Variants in HMGA2 observed in about 807,000 individuals in gnomAD.
HMGA2 encodes high mobility group AT-hook 2.
In HMGA2, 8 loss-of-function variants were observed where a neutral mutation model predicts 19.1. The observed-to-expected ratio is 0.42, with a 90% CI of 0.25 to 0.76. The LOEUF (loss-of-function observed/expected upper bound fraction) is 0.76, where lower values mean the gene tolerates loss of function less well. HMGA2 is among the 30% of genes least tolerant of loss of function. The pLI is 0.28. For synonymous variants in HMGA2, 60 were observed against 48.8 expected (o/e 1.23, Z -0.96); for missense variants, 109 against 136.3 (o/e 0.80, Z 1.00).
At chr12:65,852,447 G>A (rs1871524365) in intron 3 of HMGA2, among the ~76,000 whole-genome samples, 1 of 152,170 alleles carries the variant, frequency 6.6e-6, no homozygotes, top group Non-Finnish European at 1.5e-5. Flanking sequence ...AGGTTGCAGT[G>A]AGCTGAGATT....
intron 3 of HMGA2, among the ~76,000 whole-genome samples, chr12:65,892,928 A>G (rs1873972880): frequency 6.6e-6 from 1 of 152,150 alleles, no homozygotes; most frequent in South Asian, 2.1e-4. Context: ...GCCTTGATTC[A>G]CAGGGCCCCT....
intron 3 of HMGA2, among the ~76,000 whole-genome samples, chr12:65,883,191 A>G (rs1248481025): frequency 3.3e-5 from 5 of 152,396 alleles, no homozygotes; most frequent in Admixed American, 6.5e-5. Context: ...AGAAGAGGAA[A>G]GGCGATGGAT....
chr12:65,837,337 T>C (rs1460122), intron 2 of HMGA2, among the ~76,000 whole-genome samples: 6,269 of 152,294 alleles, frequency 0.041, 198 homozygotes, highest in Non-Finnish European at 0.062. Flanking sequence ...TCCATCTATC[T>C]GTTTGTCAAC....
intron 3 of HMGA2, among the ~76,000 whole-genome samples, chr12:65,894,084 G>C (rs369492546): frequency 6.6e-6 from 1 of 152,104 alleles, no homozygotes; most frequent in Non-Finnish European, 1.5e-5. Flanking sequence ...CATTTCTTCC[G>C]TTGGCCAACT....
chr12:65,876,610 A>G (rs909824557), intron 3 of HMGA2, among the ~76,000 whole-genome samples: 14 of 152,354 alleles, frequency 9.2e-5, no homozygotes, highest in African/African-American at 2.9e-4. Context: ...TAAAGCACGC[A>G]AAACAATTTC....
intron 3 of HMGA2, among the ~76,000 whole-genome samples, chr12:65,895,137 A>C (rs1353954427): frequency 6.6e-6 from 1 of 152,172 alleles, no homozygotes; most frequent in African/African-American, 2.4e-5. Context: ...CAAGTAAATA[A>C]TATTTTATTA....
At chr12:65,915,604 T>C in intron 3 of HMGA2, 1 of 991,810 alleles carries the variant, frequency 1.0e-6, no homozygotes, top group South Asian at 4.0e-5. Context: ...TTTTCCTGTG[T>C]CTTTTATCCT....
chr12:65,866,555 G>A (rs964455165), intron 3 of HMGA2, among the ~76,000 whole-genome samples: 11 of 152,072 alleles, frequency 7.2e-5, no homozygotes, highest in African/African-American at 1.7e-4. Context: ...GTGACAAGGC[G>A]GAACATCCAA....
chr12:65,936,619 A>C lies in HMGA2; in HGVS notation c.250-14764A>C, dbSNP rs1316755348. Among the ~76,000 whole-genome samples the C allele has an allele frequency of 1.3e-4, 20 of 152,192 alleles. 1 individual carries two copies. Among genetic ancestry groups the C allele is most frequent in the Admixed American group, 1.3e-3 (20 of 15,270 alleles). On this transcript the variant is annotated intron_variant, in intron 3 of 4. Coordinates refer to ENST00000403681, the MANE Select transcript of HMGA2 (RefSeq NM_003483.6). ...TGAGCACTGCAAATCATAAACAATA[A>C]GGATTACATGACCACTGCTGCTACG...
At chr12:65,842,304 G>T (rs1012748696) in intron 3 of HMGA2, 10 of 605,874 alleles carry the variant, frequency 1.7e-5, no homozygotes, top group African/African-American at 1.5e-4. Context: ...TGCATGCAAA[G>T]GGCTTAATAA....
chr12:65,915,245 G>T, intron 3 of HMGA2: 2 of 1,560,656 alleles, frequency 1.3e-6, no homozygotes, highest in Non-Finnish European at 1.7e-6. Flanking sequence ...CCTATCAGGT[G>T]TCTTTTAGAT....
chr12:65,833,790 T>C (rs1870581287), intron 2 of HMGA2, among the ~76,000 whole-genome samples: 1 of 152,208 alleles, frequency 6.6e-6, no homozygotes, highest in Non-Finnish European at 1.5e-5. Context: ...GGCAGGTTGC[T>C]TAATCTCCCA....
intron 3 of HMGA2, among the ~76,000 whole-genome samples, chr12:65,882,852 T>C (rs1873488895): frequency 6.6e-6 from 1 of 152,220 alleles, no homozygotes. Context: ...GGAAATATTT[T>C]TTAAAACAAG....
chr12:65,872,569 T>C (rs1354860929), intron 3 of HMGA2, among the ~76,000 whole-genome samples: 2 of 152,206 alleles, frequency 1.3e-5, no homozygotes, highest in African/African-American at 4.8e-5. Flanking sequence ...TTTTCAACAT[T>C]TGCAAAGTTC....
chr12:65,903,732 T>C (rs570821163), intron 3 of HMGA2, among the ~76,000 whole-genome samples: 7 of 152,246 alleles, frequency 4.6e-5, no homozygotes, highest in Non-Finnish European at 4.4e-5. Flanking sequence ...GTAGTGCTTC[T>C]TCATTCTGAG....
At chr12:65,839,932 T>C (rs935347278) in intron 3 of HMGA2, among the ~76,000 whole-genome samples, 1 of 152,234 alleles carries the variant, frequency 6.6e-6, no homozygotes, top group African/African-American at 2.4e-5. Context: ...TATAGAGTAA[T>C]TGTTTTCACT....
Position 65,824,746 on chromosome 12 carries a change from TC to T in HMGA2, c.-524del, listed in dbSNP as rs1304075632. On this transcript the variant is annotated 5_prime_UTR_variant, in exon 1 of 5. Coordinates refer to ENST00000403681, the MANE Select transcript of HMGA2 (RefSeq NM_003483.6). Reference sequence around the variant, plus strand: ...CTCTCTCTCTCTCTCTCTCTCTCTCTCTCTCTCTCTCTCTCTCTCTCTCGCA... The same window carrying T: ...CTCTCTCTCTCTCTCTCTCTCTCTCTTCTCTCTCTCTCTCTCTCTCTCGCA... 327 of 231,322 alleles carry T rather than the reference TC, an allele frequency of 1.4e-3. 1 individual carries two copies. The highest frequency in any genetic ancestry group is 2.4e-3 in the Non-Finnish European group (280 of 118,314). The allele number at this position is 231,322 out of a possible 1,614,324, so 14.3% of individuals were successfully genotyped here.
intron 3 of HMGA2, among the ~76,000 whole-genome samples, chr12:65,898,770 C>T (rs886222136): frequency 5.3e-5 from 8 of 152,206 alleles, no homozygotes; most frequent in African/African-American, 1.4e-4. Context: ...GGAGGCCGGG[C>T]GCAGTGGCTC....
At chr12:65,867,993 C>T (rs73119896) in intron 3 of HMGA2, among the ~76,000 whole-genome samples, 3,850 of 152,310 alleles carry the variant, frequency 0.025, 68 homozygotes, top group Non-Finnish European at 0.037. Context: ...ATGTCACAAG[C>T]ACCTTGTAGA....
Sources: allele counts gnomAD v4.1 joint callset (sites outside exome capture counted in the v4.1 genomes callset), GRCh38; gene constraint gnomAD v4.1.1; transcripts MANE v1.5; gene names NCBI Gene and HGNC (gene_info 2026-07-23, HGNC 2026-07-21).